Variants in ITGBL1 observed in about 807,000 individuals in gnomAD.
ITGBL1 encodes integrin beta-like protein 1.
A neutral mutation model predicts 68.5 loss-of-function variants in ITGBL1; 51 were observed. That is an observed-to-expected ratio of 0.74 (90% CI 0.59 to 0.94). ITGBL1 has a LOEUF of 0.94. Among genes scored for constraint, ITGBL1 ranks in the 40% least tolerant of loss-of-function variants. ITGBL1 has a pLI of 0.00. For missense variants in ITGBL1, 649 were observed against 647.4 expected (o/e 1.00, Z -0.03); for synonymous variants, 209 against 227.3 (o/e 0.92, Z 0.72).
chr13:101,594,489 C>T (rs9557710), intron 6 of ITGBL1, among the ~76,000 whole-genome samples: 86,095 of 151,886 alleles, frequency 0.57, 25,959 homozygotes, highest in Middle Eastern at 0.68. Context: ...CTCGAAGAAA[C>T]GTAGGAGAAA....
intron 7 of ITGBL1, among the ~76,000 whole-genome samples, chr13:101,603,014 G>A (rs567529298): frequency 1.3e-3 from 192 of 152,008 alleles, no homozygotes; most frequent in African/African-American, 4.3e-3. Context: ...CTTTTTGGTC[G>A]TTATGAATAA....
chr13:101,588,297 T>TTGTGTGTGTGTGTGTGTG (rs10661136), intron 6 of ITGBL1, among the ~76,000 whole-genome samples: 2 of 149,672 alleles, frequency 1.3e-5, no homozygotes, highest in African/African-American at 4.9e-5. Context: ...TATTCTTCCA[T>TTGTGTGTGTGTGTGTGTG]TGTGTGTGTG....
intron 2 of ITGBL1, among the ~76,000 whole-genome samples, chr13:101,548,598 GT>G (rs755405184): frequency 4.6e-5 from 7 of 151,784 alleles, no homozygotes; most frequent in African/African-American, 7.2e-5. Context: ...ATCCATGTCT[GT>G]TATCATTTTA....
At chr13:101,701,678 A>T (rs1177735459) in intron 8 of ITGBL1, among the ~76,000 whole-genome samples, 4 of 152,220 alleles carry the variant, frequency 2.6e-5, no homozygotes, top group African/African-American at 9.6e-5. Flanking sequence ...AAAGGGGAAA[A>T]ATTGTCTCAT....
intron 2 of ITGBL1, among the ~76,000 whole-genome samples, chr13:101,518,754 A>C (rs1276053399): frequency 6.6e-6 from 1 of 152,232 alleles, no homozygotes; most frequent in East Asian, 1.9e-4. Context: ...ATGTAACAAT[A>C]ATTTACATTA....
At chr13:101,599,912 C>G (rs1031754528) in intron 7 of ITGBL1, among the ~76,000 whole-genome samples, 1 of 152,090 alleles carries the variant, frequency 6.6e-6, no homozygotes, top group Non-Finnish European at 1.5e-5. Flanking sequence ...ATTGACTTGG[C>G]AATGTGGGCT....
rs59332455 is a variant in ITGBL1, at chr13:101,534,930, G to C, written c.317-32769G>C. Among the ~76,000 whole-genome samples the C allele has an allele frequency of 2.0e-3, 304 of 152,188 alleles. 1 individual carries two copies. The highest frequency in any genetic ancestry group is 7.1e-3 in the African/African-American group (293 of 41,554). ...AAAACAGTGTAACATAAGATGTTCT[G>C]GTGGTGCTACAGCAAGGAGAGATGG... On this transcript the variant is annotated intron_variant, in intron 2 of 10. Transcript: ENST00000376180.
At chr13:101,544,275 A>G (rs2049773620) in intron 2 of ITGBL1, among the ~76,000 whole-genome samples, 1 of 152,208 alleles carries the variant, frequency 6.6e-6, no homozygotes, top group African/African-American at 2.4e-5. Context: ...TCTAACAGTC[A>G]GGACCCTCAG....
intron 2 of ITGBL1, among the ~76,000 whole-genome samples, chr13:101,505,029 G>T (rs1002565778): frequency 6.6e-6 from 1 of 152,134 alleles, no homozygotes; most frequent in Non-Finnish European, 1.5e-5. Context: ...GAGGCGTTTT[G>T]GGTGTTCGTG....
At chr13:101,454,237 A>T (rs1255796976) in intron 2 of ITGBL1, 137 bp downstream of exon 2, 1 of 488,542 alleles carries the variant, frequency 2.0e-6, no homozygotes, top group Non-Finnish European at 3.3e-6. Flanking sequence ...CGATTGTCAC[A>T]CTTTGGCTAG....
At chr13:101,520,777 G>A (rs1308814215) in intron 2 of ITGBL1, among the ~76,000 whole-genome samples, 1 of 152,210 alleles carries the variant, frequency 6.6e-6, no homozygotes, top group Non-Finnish European at 1.5e-5. Flanking sequence ...CAAGAAGAGA[G>A]AAGCCAGAGG....
At chr13:101,553,635 C>T (rs906241571) in intron 2 of ITGBL1, among the ~76,000 whole-genome samples, 23 of 152,096 alleles carry the variant, frequency 1.5e-4, no homozygotes, top group African/African-American at 5.5e-4. Flanking sequence ...CTTGGTTCCT[C>T]CTGAGGGTTA....
At chr13:101,557,051 C>T (rs755921390) in intron 2 of ITGBL1, among the ~76,000 whole-genome samples, 8 of 152,208 alleles carry the variant, frequency 5.3e-5, no homozygotes, top group Non-Finnish European at 1.2e-4. Flanking sequence ...TGCCTTATCC[C>T]TCCTCAGGGG....
In ITGBL1 at chr13:101,568,085, C is replaced by CA. The variant is rs533866858; in HGVS notation, c.463+241dup. Among the ~76,000 whole-genome samples the CA allele has an allele frequency of 3.9e-5, 6 of 152,238 alleles. No homozygotes were observed. The South Asian group carries it at 1.0e-3, about 26-fold the overall frequency. ...CTAGCAGGATATTCACTGGAAACAACACCCCAACCACATTTTATGTAAATT... is the reference window on the plus strand; with the variant it reads ...CTAGCAGGATATTCACTGGAAACAACAACCCCAACCACATTTTATGTAAATT... On this transcript the variant is annotated intron_variant, in intron 3 of 10. Transcript: ENST00000376180.
chr13:101,511,918 C>G (rs537709017), intron 2 of ITGBL1, among the ~76,000 whole-genome samples: 3 of 152,098 alleles, frequency 2.0e-5, no homozygotes, highest in Non-Finnish European at 4.4e-5. Flanking sequence ...AAAATGAAAA[C>G]CAGAAGTCTC....
At chr13:101,640,939 G>A (rs543322217) in intron 7 of ITGBL1, among the ~76,000 whole-genome samples, 74 of 152,212 alleles carry the variant, frequency 4.9e-4, no homozygotes, top group Middle Eastern at 6.8e-3. Flanking sequence ...AACGTTGAAG[G>A]AATGAAAAAT....
At chr13:101,511,724 A>C (rs927060569) in intron 2 of ITGBL1, among the ~76,000 whole-genome samples, 2 of 152,048 alleles carry the variant, frequency 1.3e-5, no homozygotes, top group African/African-American at 4.8e-5. Flanking sequence ...GGTTGCTGGG[A>C]GGTAAAGTCT....
chr13:101,576,964 A>AG (rs11450872), intron 4 of ITGBL1, among the ~76,000 whole-genome samples: 35,205 of 151,086 alleles, frequency 0.23, 4,084 homozygotes, highest in African/African-American at 0.27. Context: ...AAAAAAAAAA[A>AG]AAGAAGAAGA....
intron 7 of ITGBL1, among the ~76,000 whole-genome samples, chr13:101,675,999 TTTG>T (rs1319114224): frequency 6.6e-6 from 1 of 152,152 alleles, no homozygotes; most frequent in Non-Finnish European, 1.5e-5. Context: ...TTCCACTTTA[TTTG>T]TTTTTTACAG....
Sources: allele counts gnomAD v4.1 joint callset (sites outside exome capture counted in the v4.1 genomes callset), GRCh38; gene constraint gnomAD v4.1.1; transcripts MANE v1.5; gene names NCBI Gene and HGNC (gene_info 2026-07-23, HGNC 2026-07-21).